Variants in ATAD2 observed in about 807,000 individuals in gnomAD.
ATAD2 encodes the protein ATPase family AAA domain-containing protein 2.
Under a neutral mutation model 168.9 loss-of-function variants are expected in ATAD2, and 62 were observed. The ratio of observed to expected loss-of-function variants is 0.37; its 90% CI spans 0.30 to 0.45. The LOEUF (loss-of-function observed/expected upper bound fraction) is 0.45. Among genes scored for constraint, ATAD2 ranks in the 20% least tolerant of loss-of-function variants. The pLI is 1.00. For missense variants in ATAD2, 1,419 were observed against 1,667.8 expected, an observed-to-expected ratio of 0.85 and a Z score of 2.60; for synonymous variants, 613 against 571.6, an observed-to-expected ratio of 1.07 and a Z score of -1.03.
chr8:123,401,018 G>A, upstream of ATAD2: 2 of 1,542,280 alleles, frequency 1.3e-6, no homozygotes, highest in Non-Finnish European at 1.8e-6. Context: ...ACTGAGACAG[G>A]CACCATGGGC....
chr8:123,330,299 T>C (rs923868958), intron 24 of ATAD2, among the ~76,000 whole-genome samples: 5 of 151,820 alleles, frequency 3.3e-5, no homozygotes, highest in African/African-American at 1.2e-4. Flanking sequence ...CTCTGTCCAG[T>C]GATTTTCTTA....
chr8:123,345,897 G>T (rs1376414555), intron 18 of ATAD2, among the ~76,000 whole-genome samples, 189 bp downstream of exon 18: 1 of 152,162 alleles, frequency 6.6e-6, no homozygotes, highest in Non-Finnish European at 1.5e-5. Flanking sequence ...AGGTCACAAA[G>T]ATATTAAGGG....
chr8:123,326,003 G>A lies in ATAD2; in HGVS notation c.3892C>T (p.Arg1298Ter). The change falls in exon 26 of 28, where the codon CGA becomes TGA. Residue 1298 changes from arginine to a stop codon, truncating the protein, a stop_gained. Transcript: ENST00000287394. LOFTEE classifies it high-confidence loss of function. ...GKEMCVLRMT[R>*]ARRSQVEQQQ... The stretch of plus-strand genomic sequence containing the variant: ...TGTTCTACCTGGGAACGTCTAGCTC[G>A]AGTCATTCGCAGAACACACATTTCT... 6.2e-7 allele frequency: 1 copy of A among 1,614,010 alleles called. No homozygotes were observed. Among genetic ancestry groups the A allele is most frequent in the Non-Finnish European group, 8.5e-7 (1 of 1,179,986 alleles).
At chr8:123,353,225 G>A (rs1167151616) in intron 13 of ATAD2, among the ~76,000 whole-genome samples, 3 of 151,906 alleles carry the variant, frequency 2.0e-5, no homozygotes, top group African/African-American at 7.3e-5. Context: ...TTAGCCAGGA[G>A]TGGTGGCACA....
intron 21 of ATAD2, among the ~76,000 whole-genome samples, chr8:123,337,053 C>CA (rs58960333): frequency 0.046 from 2,859 of 61,830 alleles, 141 homozygotes; most frequent in Admixed American, 0.22. Flanking sequence ...ACCCTTACTA[C>CA]AAAAAAAAAA....
chr8:123,353,272 G>A (rs1370152193), intron 13 of ATAD2, among the ~76,000 whole-genome samples: 1 of 151,954 alleles, frequency 6.6e-6, no homozygotes, highest in African/African-American at 2.4e-5. Context: ...GCTGAGGCAC[G>A]AGAATAGCTT....
At position 123,322,775 on chromosome 8, in the gene ATAD2, T is replaced by C. The variant is rs76098909; in HGVS notation, c.4131+163A>G. On this transcript the variant is annotated intron_variant, in intron 27 of 27. Coordinates refer to ENST00000287394, the MANE Select transcript of ATAD2 (RefSeq NM_014109.4). ...TTCATAATCCACATATTAAAAATGA[T>C]CTTTATGGAATGGGACATCAACTTT... 0.071 allele frequency among the ~76,000 whole-genome samples: 10,754 copies of C among 152,306 alleles called. 470 individuals are homozygous for C. The highest frequency in any genetic ancestry group is 0.1 in the Non-Finnish European group (6,768 of 68,016).
chr8:123,363,132 GGTAA>G (rs920081954), intron 8 of ATAD2, among the ~76,000 whole-genome samples: 13 of 152,078 alleles, frequency 8.5e-5, no homozygotes, highest in African/African-American at 2.4e-4. Context: ...GTGCAATGAT[GGTAA>G]GTAAGTATTT....
At chr8:123,374,001 T>C (rs1051692410) in intron 2 of ATAD2, among the ~76,000 whole-genome samples, 4 of 152,098 alleles carry the variant, frequency 2.6e-5, no homozygotes, top group African/African-American at 9.7e-5. Flanking sequence ...ACTTATATAT[T>C]CTCATTAACA....
At chr8:123,396,465 G>T, upstream of ATAD2, 1 of 1,242,546 alleles carries the variant, frequency 8.0e-7, no homozygotes, top group Non-Finnish European at 1.1e-6. Context: ...CAAGCTCCGC[G>T]CCAGCGGCCG....
chr8:123,333,231 CAAAAAAAAAAAAAAAAAA>C (rs71310667), intron 24 of ATAD2, among the ~76,000 whole-genome samples: 3 of 43,984 alleles, frequency 6.8e-5, no homozygotes, highest in Non-Finnish European at 1.1e-4. Flanking sequence ...TCTAAAAATA[CAAAAAAAAAAAAAAAAAA>C]AAAAAAAAAA....
chr8:123,401,210 T>G, upstream of ATAD2: 1 of 914,404 alleles, frequency 1.1e-6, no homozygotes, highest in Non-Finnish European at 1.8e-6. Flanking sequence ...CTGCCTATCG[T>G]CAATGACGAT....
intron 21 of ATAD2, among the ~76,000 whole-genome samples, chr8:123,337,143 A>T (rs1827941143): frequency 6.6e-6 from 1 of 151,424 alleles, no homozygotes; most frequent in Non-Finnish European, 1.5e-5. Context: ...TGGGTGGATT[A>T]CCTGAGGTCA....
At chr8:123,371,198 G>C in intron 5 of ATAD2, 38 bp downstream of exon 5, 2 of 1,488,512 alleles carry the variant, frequency 1.3e-6, no homozygotes, top group Non-Finnish European at 9.2e-7. Flanking sequence ...AATTAAACTG[G>C]ATATTAAATC....
intron 2 of ATAD2, among the ~76,000 whole-genome samples, chr8:123,378,031 C>CT (rs1447381236): frequency 6.6e-6 from 1 of 152,216 alleles, no homozygotes; most frequent in East Asian, 1.9e-4. Context: ...TAATGGACCA[C>CT]TACCTTACCT....
At chr8:123,373,238 G>A (rs544921435) in intron 2 of ATAD2, among the ~76,000 whole-genome samples, 3 of 151,258 alleles carry the variant, frequency 2.0e-5, no homozygotes, top group Middle Eastern at 3.4e-3. Flanking sequence ...GGGGGGTCTC[G>A]CTTTTTTGTC....
intron 19 of ATAD2, 67 bp downstream of exon 19, chr8:123,344,817 A>G: frequency 1.3e-6 from 2 of 1,521,526 alleles, no homozygotes; most frequent in South Asian, 2.3e-5. Flanking sequence ...TTTTTCAATA[A>G]GTTATGATTA....
At chr8:123,370,742 T>A (rs1210624928) in intron 6 of ATAD2, among the ~76,000 whole-genome samples, 161 bp downstream of exon 6, 1 of 152,104 alleles carries the variant, frequency 6.6e-6, no homozygotes. Context: ...AAACATACTA[T>A]CCTCTTAAGC....
At chr8:123,344,206 T>C (rs1020011730) in intron 19 of ATAD2, among the ~76,000 whole-genome samples, 11 of 152,020 alleles carry the variant, frequency 7.2e-5, no homozygotes, top group Admixed American at 5.2e-4. Flanking sequence ...ATAAATAAAT[T>C]ATAGTACATC....
Sources: allele counts gnomAD v4.1 joint callset (sites outside exome capture counted in the v4.1 genomes callset), GRCh38; gene constraint gnomAD v4.1.1; transcripts MANE v1.5; gene names NCBI Gene and HGNC (gene_info 2026-07-23, HGNC 2026-07-21).